CRIPTO: variants seen among roughly 807,000 people sequenced by gnomAD.
CRIPTO encodes the protein cripto, EGF-CFC family member.
the CRIPTO span, chr3:46,579,075 G>T: frequency 6.2e-7 from 1 of 1,614,112 alleles, no homozygotes; most frequent in South Asian, 1.1e-5. Flanking sequence ...GCTAACTCAT[G>T]TCTGACTTCC....
At chr3:46,575,884 A>C in the CRIPTO span, among the ~76,000 whole-genome samples, 1 of 152,180 alleles carries the variant, frequency 6.6e-6, no homozygotes, top group Non-Finnish European at 1.5e-5. Flanking sequence ...AATGTACCAC[A>C]CTGAGTAACA....
the CRIPTO span, among the ~76,000 whole-genome samples, chr3:46,575,430 G>A: frequency 6.6e-6 from 1 of 151,998 alleles, no homozygotes; most frequent in East Asian, 1.9e-4. Flanking sequence ...CCAAAACCTG[G>A]CCCAGGCTCT....
At chr3:46,578,078 C>A in the CRIPTO span, 1 of 1,501,594 alleles carries the variant, frequency 6.7e-7, no homozygotes, top group Non-Finnish European at 9.3e-7. Flanking sequence ...TGTTCTACAC[C>A]TGTCATTTGA....
the CRIPTO span, among the ~76,000 whole-genome samples, chr3:46,580,299 A>G: frequency 6.6e-6 from 1 of 152,190 alleles, no homozygotes; most frequent in Non-Finnish European, 1.5e-5. Context: ...TTTCAAGTCT[A>G]TTTGACATTT....
chr3:46,579,056 CT>C, the CRIPTO span: 1 of 1,612,166 alleles, frequency 6.2e-7, no homozygotes, highest in African/African-American at 1.3e-5. Context: ...GTTTTATTTC[CT>C]TTGTTTGGCT....
At chr3:46,580,130 G>C in the CRIPTO span, 1 of 1,602,638 alleles carries the variant, frequency 6.2e-7, no homozygotes, top group South Asian at 1.1e-5. Flanking sequence ...TGCTTAGTTA[G>C]CAGGCTCTCC....
the CRIPTO span, among the ~76,000 whole-genome samples, chr3:46,576,538 C>G: frequency 6.7e-6 from 1 of 150,056 alleles, no homozygotes. Context: ...ACACCTCTTC[C>G]CAGCACCTGT....
chr3:46,576,235 C>A, the CRIPTO span, among the ~76,000 whole-genome samples: 1 of 151,958 alleles, frequency 6.6e-6, no homozygotes, highest in African/African-American at 2.4e-5. Flanking sequence ...TTTGGGAGGC[C>A]GAGGCGGGTG....
At chr3:46,579,457 T>C in the CRIPTO span, 1 of 1,603,884 alleles carries the variant, frequency 6.2e-7, no homozygotes, top group African/African-American at 1.3e-5. Flanking sequence ...AAAGGGCACC[T>C]GGTTCTGGAA....
chr3:46,578,869 G>T, the CRIPTO span, among the ~76,000 whole-genome samples: 52 of 151,860 alleles, frequency 3.4e-4, no homozygotes, highest in Non-Finnish European at 6.8e-4. Flanking sequence ...GTGAGGACAG[G>T]GCCTAAGAAA....
the CRIPTO span, chr3:46,579,936 C>T: frequency 6.2e-7 from 1 of 1,614,208 alleles, no homozygotes; most frequent in Non-Finnish European, 8.5e-7. Context: ...TATCGCCTTA[C>T]CTGTTCATTC....
At chr3:46,580,517 T>A in the CRIPTO span, among the ~76,000 whole-genome samples, 1 of 152,100 alleles carries the variant, frequency 6.6e-6, no homozygotes, top group Non-Finnish European at 1.5e-5. Context: ...AAGTCCCTGG[T>A]AACCCCCTCC....
chr3:46,575,792 A>G, the CRIPTO span, among the ~76,000 whole-genome samples: 2 of 152,200 alleles, frequency 1.3e-5, no homozygotes, highest in African/African-American at 4.8e-5. Flanking sequence ...CTTGTCCATA[A>G]AGTGAGACTA....
chr3:46,576,480 C>CAAAAAAAAAAAAAAAAAAAAA, the CRIPTO span, among the ~76,000 whole-genome samples: 1 of 55,054 alleles, frequency 1.8e-5, no homozygotes, highest in African/African-American at 9.4e-5. Flanking sequence ...GACTCTGTCG[C>CAAAAAAAAAAAAAAAAAAAAA]AAAAAAAAAA....
the CRIPTO span, chr3:46,577,847 C>T: frequency 4.4e-6 from 5 of 1,125,640 alleles, no homozygotes; most frequent in Non-Finnish European, 5.4e-6. Flanking sequence ...AAACGAATTT[C>T]TCATTTTCTT....
the CRIPTO span, chr3:46,581,273 A>G: frequency 1.9e-5 from 30 of 1,572,640 alleles, no homozygotes; most frequent in African/African-American, 4.0e-5. Flanking sequence ...TATTTCCAGA[A>G]ATACAATTTT....
At chr3:46,579,204 G>A in the CRIPTO span, 133 of 1,614,112 alleles carry the variant, frequency 8.2e-5, 1 homozygote, top group South Asian at 1.4e-3. Flanking sequence ...CTAAAATACA[G>A]ACTCCATGAA....
chr3:46,579,441 C>A, the CRIPTO span: 1 of 1,610,856 alleles, frequency 6.2e-7, no homozygotes, highest in Non-Finnish European at 8.5e-7. Flanking sequence ...AACACTCTTT[C>A]ACCTAAAAGG....
the CRIPTO span, among the ~76,000 whole-genome samples, chr3:46,580,673 C>T: frequency 6.6e-6 from 1 of 152,184 alleles, no homozygotes; most frequent in Non-Finnish European, 1.5e-5. Flanking sequence ...CCTCTCTCCA[C>T]CCTAGCCTGA....
Sources: gnomAD v4.1 joint callset for allele counts (sites outside exome capture counted in the v4.1 genomes callset) on GRCh38, gnomAD v4.1.1 for gene constraint, MANE v1.5 for transcripts, NCBI Gene and HGNC (gene_info 2026-07-23, HGNC 2026-07-21) for gene names.